Variants in RABGAP1L observed in about 807,000 individuals in gnomAD.
RABGAP1L encodes the protein RAB GTPase activating protein 1 like, also known as rab GTPase-activating protein 1-like.
A neutral mutation model predicts 137.7 loss-of-function variants in RABGAP1L; 63 were observed. The observed-to-expected ratio is 0.46, with a 90% CI of 0.37 to 0.56. The LOEUF is 0.56. Among genes scored for constraint, RABGAP1L ranks in the 20% least tolerant of loss-of-function variants. RABGAP1L has a pLI of 0.00. For synonymous variants in RABGAP1L, 431 were observed against 433.7 expected (o/e 0.99, Z 0.08); for missense variants, 1,095 against 1,244.0 (o/e 0.88, Z 1.80).
intron 12 of RABGAP1L, among the ~76,000 whole-genome samples, chr1:174,373,927 G>A (rs1439784910): frequency 5.9e-5 from 9 of 152,074 alleles, no homozygotes; most frequent in African/African-American, 2.2e-4. Flanking sequence ...TAAAAGCTGG[G>A]CCTAATTCTC....
chr1:174,880,228 A>G (rs1037260696), intron 19 of RABGAP1L, among the ~76,000 whole-genome samples: 3 of 152,162 alleles, frequency 2.0e-5, no homozygotes, highest in Non-Finnish European at 4.4e-5. Context: ...GTTAACTACA[A>G]TATACACTAT....
chr1:174,953,111 A>G (rs1262803187), intron 19 of RABGAP1L, among the ~76,000 whole-genome samples: 1 of 152,144 alleles, frequency 6.6e-6, no homozygotes, highest in Non-Finnish European at 1.5e-5. Flanking sequence ...TATGAAAGTA[A>G]GAATACAAAA....
At position 174,674,699 on chromosome 1, in the gene RABGAP1L, C is replaced by T. The variant is rs1335223929; in HGVS notation, c.1825-8823C>T. Among the ~76,000 whole-genome samples, 4 of 151,362 alleles carry T rather than the reference C, an allele frequency of 2.6e-5. No individual in the cohort carries two copies. The East Asian group carries it at 5.9e-4, about 22-fold the overall frequency. ...CAATGGTTGAACTAGTTTACAGTCC[C>T]ACCAACAGTGTAAAAGTGTTCCTAT... On this transcript the variant is annotated intron_variant, in intron 14 of 25. Coordinates refer to ENST00000681986, the MANE Select transcript of RABGAP1L (RefSeq NM_001366446.1).
At chr1:174,353,380 A>T (rs1244568913) in intron 11 of RABGAP1L, among the ~76,000 whole-genome samples, 1 of 152,078 alleles carries the variant, frequency 6.6e-6, no homozygotes, top group East Asian at 1.9e-4. Context: ...ATGGTGACAT[A>T]AGCACTCCCT....
rs977895474 is a variant in RABGAP1L, at chr1:174,579,917, C to T, written c.1711-57458C>T. On this transcript the variant is annotated intron_variant, in intron 13 of 25. Coordinates refer to ENST00000681986, the MANE Select transcript of RABGAP1L (RefSeq NM_001366446.1). The stretch of plus-strand genomic sequence containing the variant: ...GCTGGGATTACAGTGTGTGCCACCA[C>T]GCCCAACTAATTTTTCTATTTTTGG... Among the ~76,000 whole-genome samples the T allele has an allele frequency of 1.7e-4, 26 of 152,276 alleles. No individual in the cohort carries two copies. The South Asian group carries it at 1.9e-3, about 11-fold the overall frequency.
rs367648714 is a variant in RABGAP1L, at chr1:174,980,207, C to CTAA, written c.2733+1320_2733+1322dup. On this transcript the variant is annotated intron_variant, in intron 23 of 25. Coordinates refer to ENST00000681986, the MANE Select transcript of RABGAP1L (RefSeq NM_001366446.1). The stretch of plus-strand genomic sequence containing the variant: ...TTTTTTTGTAACTAGCTTTAGTTCA[C>CTAA]TAATACATTATGAACATCTTTCCAT... 4.2e-3 allele frequency among the ~76,000 whole-genome samples: 635 copies of CTAA among 152,106 alleles called. 7 individuals carry two copies. Among genetic ancestry groups the CTAA allele is most frequent in the South Asian group, 0.031 (149 of 4,826 alleles).
intron 13 of RABGAP1L, among the ~76,000 whole-genome samples, chr1:174,626,419 G>A (rs948586302): frequency 6.6e-6 from 1 of 152,040 alleles, no homozygotes; most frequent in African/African-American, 2.4e-5. Context: ...GACTGCTCTC[G>A]AAATACGCTT....
chr1:174,804,722 G>C (rs1258605679), intron 18 of RABGAP1L, among the ~76,000 whole-genome samples: 1 of 152,174 alleles, frequency 6.6e-6, no homozygotes, highest in African/African-American at 2.4e-5. Context: ...ATTTTCCACA[G>C]TGAATCGAAG....
intron 19 of RABGAP1L, among the ~76,000 whole-genome samples, chr1:174,828,063 T>G (rs1691764636): frequency 6.7e-6 from 1 of 148,338 alleles, no homozygotes; most frequent in African/African-American, 2.5e-5. Context: ...TAAAAACTTT[T>G]GTCCCTAAAT....
chr1:174,936,566 C>T (rs1664829915), intron 19 of RABGAP1L, among the ~76,000 whole-genome samples: 1 of 152,148 alleles, frequency 6.6e-6, no homozygotes, highest in Non-Finnish European at 1.5e-5. Flanking sequence ...TGTAGCACTC[C>T]AGCCTGGGCA....
intron 13 of RABGAP1L, among the ~76,000 whole-genome samples, chr1:174,510,369 A>G (rs1662221531): frequency 6.6e-6 from 1 of 152,206 alleles, no homozygotes; most frequent in African/African-American, 2.4e-5. Context: ...CGTAGCAGGT[A>G]CTCAGTAAAT....
intron 19 of RABGAP1L, among the ~76,000 whole-genome samples, chr1:174,839,038 TG>T: frequency 7.0e-6 from 1 of 142,226 alleles, no homozygotes; most frequent in East Asian, 2.2e-4. Context: ...CGTGTGTGTG[TG>T]TGTGTGTGTG....
chr1:174,292,329 CTTTTTTTTTTTTTTTTTTTT>C (rs61636433), intron 10 of RABGAP1L, among the ~76,000 whole-genome samples: 1 of 50,600 alleles, frequency 2.0e-5, no homozygotes, highest in South Asian at 1.0e-3. Flanking sequence ...CCTACCTAAT[CTTTTTTTTTTTTTTTTTTTT>C]TTTTTTTTAC....
intron 7 of RABGAP1L, among the ~76,000 whole-genome samples, chr1:174,267,474 A>G (rs1674170393): frequency 6.6e-6 from 1 of 152,158 alleles, no homozygotes; most frequent in Non-Finnish European, 1.5e-5. Flanking sequence ...AAATAAGGAA[A>G]GTGGTTGTGA....
chr1:174,350,266 C>T (rs1422504778), intron 11 of RABGAP1L, among the ~76,000 whole-genome samples: 50 of 118,356 alleles, frequency 4.2e-4, no homozygotes, highest in East Asian at 1.4e-3. Context: ...GGGTGGCTGC[C>T]GGGCGGAGAG....
At chr1:174,623,544 A>C (rs940212185) in intron 13 of RABGAP1L, among the ~76,000 whole-genome samples, 1 of 152,190 alleles carries the variant, frequency 6.6e-6, no homozygotes, top group African/African-American at 2.4e-5. Flanking sequence ...AGAAGCACCA[A>C]ATATGGAGCT....
At chr1:174,871,659 A>G (rs1468965136) in intron 19 of RABGAP1L, among the ~76,000 whole-genome samples, 1 of 152,174 alleles carries the variant, frequency 6.6e-6, no homozygotes, top group Non-Finnish European at 1.5e-5. Context: ...CTGTTCCCTA[A>G]ACCTACCCTC....
chr1:174,375,568 ATAT>A (rs1266726741), intron 12 of RABGAP1L, among the ~76,000 whole-genome samples: 5 of 152,164 alleles, frequency 3.3e-5, no homozygotes, highest in Admixed American at 6.5e-5. Context: ...ATATAAAATA[ATAT>A]TATAAGCAAC....
intron 4 of RABGAP1L, among the ~76,000 whole-genome samples, chr1:174,239,270 A>T (rs889892741): frequency 6.6e-6 from 1 of 152,126 alleles, no homozygotes; most frequent in Non-Finnish European, 1.5e-5. Context: ...AGCTGTTCCT[A>T]TTCGGCCATC....
Sources: allele counts gnomAD v4.1 joint callset (sites outside exome capture counted in the v4.1 genomes callset), GRCh38; gene constraint gnomAD v4.1.1; transcripts MANE v1.5; gene names NCBI Gene and HGNC (gene_info 2026-07-23, HGNC 2026-07-21).